The following DST variants were observed in gnomAD, a reference collection of about 807,000 sequenced individuals.
The protein encoded by DST is dystonin.
In DST, 253 loss-of-function variants were observed where a neutral mutation model predicts 875.2. That is an observed-to-expected ratio of 0.29 (90% CI 0.26 to 0.32). The LOEUF is 0.32. Ranked by LOEUF, DST falls within the 10% of genes least tolerant of loss-of-function variation. The pLI is 1.00. For missense variants in DST, 8,287 were observed against 9,111.6 expected, an observed-to-expected ratio of 0.91 and a Z score of 3.68; for synonymous variants, 3,124 against 3,197.1, an observed-to-expected ratio of 0.98 and a Z score of 0.77.
intron 89 of DST, 94 bp from the exon 90 acceptor site, chr6:56,482,272 A>G: frequency 7.3e-7 from 1 of 1,363,722 alleles, no homozygotes; most frequent in East Asian, 2.5e-5. Context: ...CATCCCTTCA[A>G]TGAAAAAAAA....
At chr6:56,481,930 G>T in intron 90 of DST, 120 bp downstream of exon 90, 1 of 1,087,414 alleles carries the variant, frequency 9.2e-7, no homozygotes, top group Non-Finnish European at 1.3e-6. Context: ...AAATGTATCA[G>T]GTGTTTAAGT....
chr6:56,742,206 G>T, intron 4 of DST: 1 of 1,012,030 alleles, frequency 9.9e-7, no homozygotes. Context: ...ACCAAAGCAG[G>T]TAGTGCAACT....
chr6:56,641,718 T>TA (rs2098905907), intron 17 of DST, among the ~76,000 whole-genome samples: 1 of 152,220 alleles, frequency 6.6e-6, no homozygotes, highest in Non-Finnish European at 1.5e-5. Flanking sequence ...ACGAGTTAGT[T>TA]ACTGCAGCAG....
Position 56,620,286 on chromosome 6 carries a change from G to A in DST, c.4929+4244C>T, listed in dbSNP as rs779271284. On this transcript the variant is annotated intron_variant, in intron 36 of 103. Transcript: ENST00000680361. ...CTTTTAAGATGATCTTCCAGTGTTC[G>A]TCTGGTAAAGGTGTTTTCCTCCAAC... is the stretch of plus-strand genomic sequence containing the variant. 1.2e-5 allele frequency: 20 copies of A among 1,613,740 alleles called. No homozygotes were observed. Among genetic ancestry groups the A allele is most frequent in the South Asian group, 3.3e-5 (3 of 91,070 alleles).
intron 49 of DST, among the ~76,000 whole-genome samples, chr6:56,579,184 T>G (rs1476979732): frequency 1.3e-5 from 2 of 152,188 alleles, no homozygotes; most frequent in Non-Finnish European, 2.9e-5. Flanking sequence ...GAGCATATGT[T>G]CATAATAATT....
chr6:56,878,947 T>C (rs1019420989), intron 3 of DST, among the ~76,000 whole-genome samples: 9 of 152,214 alleles, frequency 5.9e-5, no homozygotes, highest in African/African-American at 1.9e-4. Context: ...ACCCAAGGGC[T>C]TTCCATTATC....
chr6:56,925,337 C>A (rs1446062585), intron 2 of DST, among the ~76,000 whole-genome samples: 1 of 152,128 alleles, frequency 6.6e-6, no homozygotes, highest in African/African-American at 2.4e-5. Context: ...TTTTAAAAAA[C>A]ATACAGTCGA....
At chr6:56,515,894 A>C (rs1583673339) in intron 71 of DST, among the ~76,000 whole-genome samples, 1 of 152,162 alleles carries the variant, frequency 6.6e-6, no homozygotes, top group Non-Finnish European at 1.5e-5. Context: ...TGAGATCTCC[A>C]AAAACAATAC....
At position 56,652,674 on chromosome 6, in the gene DST, T is replaced by C. The variant is rs944180102; in HGVS notation, c.1215-1430A>G. Among the ~76,000 whole-genome samples, 17 of 152,238 alleles carry C rather than the reference T, an allele frequency of 1.1e-4. 1 individual carries two copies. The highest frequency in any genetic ancestry group is 4.6e-4 in the Admixed American group (7 of 15,292). On this transcript the variant is annotated intron_variant, in intron 10 of 103. Transcript: ENST00000680361. ...AGAAAACAGACCTTTCAAGAAAATC[T>C]TATACTTTTATATCACTTTGCACTG... is the stretch of plus-strand genomic sequence containing the variant.
At chr6:56,873,935 T>C (rs1486380076) in intron 3 of DST, among the ~76,000 whole-genome samples, 1 of 152,194 alleles carries the variant, frequency 6.6e-6, no homozygotes, top group African/African-American at 2.4e-5. Context: ...CATTACACAC[T>C]ATGCTTGTAT....
At position 56,485,031 on chromosome 6, in the gene DST, TA is replaced by T. The variant is rs569067809; in HGVS notation, c.21207+280del. On this transcript the variant is annotated intron_variant, in intron 88 of 103. Coordinates refer to ENST00000680361, the MANE Select transcript of DST (RefSeq NM_001374736.1). ...AGTAAAACATTCTTGAAATCTGTTT[TA>T]AAGCACCAGAGAATGAAATCACTTT... The T allele has an allele frequency of 1.2e-4, 39 of 335,816 alleles. No individual in the cohort carries two copies. The South Asian group carries it at 1.8e-3, about 15-fold the overall frequency. 20.8% of individuals were successfully genotyped at this position (335,816 alleles called of 1,614,324 possible).
chr6:56,618,693 A>G, intron 36 of DST: 1 of 1,613,790 alleles, frequency 6.2e-7, no homozygotes, highest in Non-Finnish European at 8.5e-7. Context: ...TGTTGAAGAG[A>G]CACAAAGTCA....
rs947932148 is a variant in DST at position 56,492,165 on chromosome 6, T to C, written c.20757+62A>G. ...GTGATAAAAGTACATCCATAACATATATTTCAACAGCAAGAAGTGGTTTAT... is the reference window on the plus strand; with the variant it reads ...GTGATAAAAGTACATCCATAACATACATTTCAACAGCAAGAAGTGGTTTAT... On this transcript the variant is annotated intron_variant, in intron 85 of 103. Coordinates refer to ENST00000680361, the MANE Select transcript of DST (RefSeq NM_001374736.1). 8 of 1,378,998 alleles carry C rather than the reference T, an allele frequency of 5.8e-6. No individual in the cohort carries two copies. In the East Asian group the frequency reaches 6.9e-5, roughly 12 times the overall value. The allele number at this position is 1,378,998 out of a possible 1,614,324, so 85.4% of individuals were successfully genotyped here. A position where few individuals can be genotyped will look rare whatever the true frequency, so the allele number is the denominator to read the frequency against.
Position 56,609,420 on chromosome 6 carries a change from T to C in DST, c.5284-76A>G, listed in dbSNP as rs1279621443. 6.8e-6 allele frequency: 7 copies of C among 1,035,878 alleles called. No homozygotes were observed. In the South Asian group the frequency reaches 9.6e-5, roughly 14 times the overall value. The allele number at this position is 1,035,878 out of a possible 1,614,324, so 64.2% of individuals were successfully genotyped here. A position where few individuals can be genotyped will look rare whatever the true frequency, so the allele number is the denominator to read the frequency against. On this transcript the variant is annotated intron_variant, in intron 39 of 103. Coordinates refer to ENST00000680361, the MANE Select transcript of DST (RefSeq NM_001374736.1). ...CGGAGTTTCATGCAACTTAGGTTTT[T>C]TAAAAAATAAATAATACATTTCAAC... is the stretch of plus-strand genomic sequence containing the variant.
intron 4 of DST, among the ~76,000 whole-genome samples, chr6:56,769,574 CTT>C (rs1158548238): frequency 2.6e-5 from 4 of 152,178 alleles, no homozygotes; most frequent in African/African-American, 9.7e-5. Context: ...AATCCTCACA[CTT>C]TGAGAGGCCA....
At chr6:56,953,983 G>A (rs1218581922) in intron 1 of DST, among the ~76,000 whole-genome samples, 164 bp from the exon 2 acceptor site, 1 of 152,188 alleles carries the variant, frequency 6.6e-6, no homozygotes, top group Non-Finnish European at 1.5e-5. Context: ...GGGGCCATCG[G>A]TCTCTACGTG....
At chr6:56,824,848 C>G (rs6930172) in intron 4 of DST, among the ~76,000 whole-genome samples, 23,211 of 150,054 alleles carry the variant, frequency 0.15, 2,001 homozygotes, top group Non-Finnish European at 0.18. Flanking sequence ...GTCTCCGCCC[C>G]GCAGCCACCC....
At chr6:56,469,545 TTTC>T in intron 97 of DST, among the ~76,000 whole-genome samples, 1 of 152,126 alleles carries the variant, frequency 6.6e-6, no homozygotes, top group Non-Finnish European at 1.5e-5. Flanking sequence ...TTAGAGTAGC[TTTC>T]TTGTTTGAAA....
intron 3 of DST, among the ~76,000 whole-genome samples, chr6:56,897,340 A>G (rs1459866597): frequency 7.1e-6 from 1 of 141,804 alleles, no homozygotes; most frequent in Non-Finnish European, 1.5e-5. Context: ...TTATTTATTT[A>G]TTTATTTTTG....
Sources: allele counts gnomAD v4.1 joint callset (sites outside exome capture counted in the v4.1 genomes callset), GRCh38; gene constraint gnomAD v4.1.1; transcripts MANE v1.5; gene names NCBI Gene and HGNC (gene_info 2026-07-23, HGNC 2026-07-21).